NBPF10: variants seen among roughly 807,000 people sequenced by gnomAD.
NBPF10 encodes NBPF family member NBPF10.
A neutral mutation model predicts 77.9 loss-of-function variants in NBPF10; 63 were observed. The ratio of observed to expected loss-of-function variants is 0.81; its 90% CI spans 0.66 to 1.00. NBPF10 has a LOEUF of 1.00. NBPF10 is among the 50% of genes least tolerant of loss of function. The probability of loss-of-function intolerance (pLI) is 0.00; values close to 1 mark genes in which losing one functional copy is unlikely to be tolerated. For synonymous variants in NBPF10, 146 were observed against 264.5 expected (o/e 0.55, Z 4.35); for missense variants, 522 against 679.8 (o/e 0.77, Z 2.58).
At chr1:146,127,886 G>A (rs1236885766) in intron 12 of NBPF10, among the ~76,000 whole-genome samples, 5 of 136,178 alleles carry the variant, frequency 3.7e-5, no homozygotes, top group African/African-American at 1.4e-4. Flanking sequence ...GTGACAGTCA[G>A]TCCAGGTTGG....
In NBPF10 at chr1:146,067,961, A is replaced by G. The variant is rs782605409; in HGVS notation, c.11035+42T>C. 53 of 607,066 alleles carry G rather than the reference A, an allele frequency of 8.7e-5. No homozygotes were observed. In the Admixed American group the frequency reaches 9.9e-4, roughly 11 times the overall value. The allele number at this position is 607,066 out of a possible 1,614,324, so 37.6% of individuals were successfully genotyped here. On this transcript the variant is annotated intron_variant, in intron 88 of 89. Transcript: ENST00000583866. ...AATAGGAATATCACCCCTATCTGGAAGACCAGGTGGAGGCTTATCACCTTC... is the reference window on the plus strand; with the variant it reads ...AATAGGAATATCACCCCTATCTGGAGGACCAGGTGGAGGCTTATCACCTTC...
intron 7 of NBPF10, among the ~76,000 whole-genome samples, chr1:146,135,870 C>A (rs1383620166): frequency 1.1e-4 from 16 of 142,010 alleles, no homozygotes; most frequent in Non-Finnish European, 2.3e-4. Context: ...CATCTTGCGG[C>A]CACTAGATAC....
At chr1:146,138,785 GT>G (rs1306781472) in intron 5 of NBPF10, among the ~76,000 whole-genome samples, 2 of 135,102 alleles carry the variant, frequency 1.5e-5, no homozygotes, top group African/African-American at 5.1e-5. Context: ...TTCTTTTTTG[GT>G]TTTTTGTTTT....
At chr1:146,126,389 C>G (rs1277920966) in exon 14 of NBPF10, 4 of 1,309,004 alleles carry the variant, frequency 3.1e-6, no homozygotes, top group Admixed American at 3.4e-5. Context: ...CCTTTCTCAT[C>G]CAGCAGCTCC....
chr1:146,109,355 GA>G (rs1657359539), intron 35 of NBPF10, among the ~76,000 whole-genome samples: 1 of 61,190 alleles, frequency 1.6e-5, no homozygotes, highest in African/African-American at 4.2e-5. Flanking sequence ...CAGAGAGAGA[GA>G]GAGAGAACGA....
At chr1:146,123,527 G>GAA (rs1559337564) in intron 17 of NBPF10, among the ~76,000 whole-genome samples, 2 of 77,070 alleles carry the variant, frequency 2.6e-5, no homozygotes, top group African/African-American at 1.7e-4. Context: ...CACACACACA[G>GAA]AGAGAGAGAG....
In NBPF10 at chr1:146,126,317, G is replaced by T. The variant is rs782384592; in HGVS notation, c.1945C>A (p.Leu649Met). 3.5e-5 allele frequency: 48 copies of T among 1,384,630 alleles called. 1 individual carries two copies. Among genetic ancestry groups the T allele is most frequent in the Non-Finnish European group, 4.9e-5 (48 of 974,424 alleles). 85.8% of individuals were successfully genotyped at this position (1,384,630 alleles called of 1,614,324 possible). A position where few individuals can be genotyped will look rare whatever the true frequency, so the allele number is the denominator to read the frequency against. Residue 649 changes from leucine (L) to methionine (M), a missense_variant, in exon 14 of 90, where the codon CTG (leucine) becomes ATG (methionine). Around this residue, in one of 9 missense-constraint regions of NBPF10, gnomAD observed 178 missense variants for 77.7 expected, o/e 2.29. Transcript: ENST00000583866. ...CTGTAGGGCTGGCATGAGTCAGTCA[G>T]TTCAAGACAACCTGAAGGAGTTGAA...
At chr1:146,126,720 G>T (rs1553790217) in intron 13 of NBPF10, among the ~76,000 whole-genome samples, 1 of 146,252 alleles carries the variant, frequency 6.8e-6, no homozygotes, top group Admixed American at 6.9e-5. Flanking sequence ...GACACACAGT[G>T]AACAGTGATC....
intron 15 of NBPF10, among the ~76,000 whole-genome samples, 191 bp from the exon 16 acceptor site, chr1:146,125,051 A>T (rs1258668883): frequency 5.6e-5 from 4 of 70,966 alleles, no homozygotes; most frequent in Non-Finnish European, 1.1e-4. Flanking sequence ...AGAGAAAGAC[A>T]GGGAGAGGGA....
At position 146,067,249 on chromosome 1, in the gene NBPF10, CTTCCCCTTCTTTTT is replaced by C. The variant is rs782111292; in HGVS notation, c.11061_11074del (p.Arg3689IlefsTer34). The C allele has an allele frequency of 3.5e-6, 2 of 572,696 alleles. No homozygotes were observed. Among genetic ancestry groups the C allele is most frequent in the East Asian group, 3.1e-5 (1 of 32,214 alleles). 35.5% of individuals were successfully genotyped at this position (572,696 alleles called of 1,614,324 possible). A position where few individuals can be genotyped will look rare whatever the true frequency, so the allele number is the denominator to read the frequency against. On this transcript the variant is annotated frameshift_variant, in exon 89 of 90. Transcript: ENST00000583866. LOFTEE classifies it high-confidence loss of function. ...CCTTCTTCTTTCCTTCTTTGATCTTCTTCCCCTTCTTTTTTTCCCCTTCCCCTTCTTTTCAATTT... is the reference window on the plus strand; with the variant it reads ...CCTTCTTCTTTCCTTCTTTGATCTTCTTCCCCTTCCCCTTCTTTTCAATTT...
In NBPF10 at chr1:146,067,095, G is replaced by A. The variant is rs1340967218; in HGVS notation, c.11144+85C>T. The A allele has an allele frequency of 6.0e-5, 37 of 620,448 alleles. 7 individuals are homozygous for A. In the Admixed American group the frequency reaches 6.4e-4, roughly 11 times the overall value. 38.4% of individuals were successfully genotyped at this position (620,448 alleles called of 1,614,324 possible). Reference sequence around the variant, plus strand: ...GTAATTCAGCCTTCGTTGAAAACATGTCATCAAACACACTCTGGTTTCCCT... The same window carrying A: ...GTAATTCAGCCTTCGTTGAAAACATATCATCAAACACACTCTGGTTTCCCT... On this transcript the variant is annotated intron_variant, in intron 89 of 89. Coordinates refer to ENST00000583866, the Ensembl canonical transcript of NBPF10.
chr1:146,123,525 CAG>C (rs1186150213), intron 17 of NBPF10, among the ~76,000 whole-genome samples: 1,374 of 71,436 alleles, frequency 0.019, 22 homozygotes, highest in African/African-American at 0.059. Context: ...CACACACACA[CAG>C]AGAGAGAGAG....
chr1:146,134,228 C>G (rs782162366), exon 9 of NBPF10: 1 of 1,591,522 alleles, frequency 6.3e-7, no homozygotes, highest in East Asian at 2.2e-5. Flanking sequence ...TCTCAGCCAC[C>G]TCAACTTGAA....
exon 14 of NBPF10, chr1:146,126,387 A>T (rs1553789974): frequency 2.3e-6 from 3 of 1,324,250 alleles, no homozygotes; most frequent in Non-Finnish European, 3.3e-6. Flanking sequence ...GCCCTTTCTC[A>T]TCCAGCAGCT....
chr1:146,067,579 A>T (rs367836134), intron 88 of NBPF10, among the ~76,000 whole-genome samples: 2 of 150,436 alleles, frequency 1.3e-5, no homozygotes, highest in Non-Finnish European at 3.0e-5. Flanking sequence ...CGTAAAGCAA[A>T]TACCCTCAAT....
chr1:146,066,727 G>A (rs587612676), intron 89 of NBPF10, among the ~76,000 whole-genome samples, 166 bp from the exon 90 acceptor site: 1 of 149,920 alleles, frequency 6.7e-6, no homozygotes, highest in Non-Finnish European at 1.5e-5. Context: ...GATAGAACAG[G>A]GCCAGGTAGA....
rs1660440029 is a variant in NBPF10, at chr1:146,142,817, C to G, written c.176-65G>C. 4 of 910,664 alleles carry G rather than the reference C, an allele frequency of 4.4e-6. 1 individual carries two copies. The highest frequency in any genetic ancestry group is 6.8e-6 in the Non-Finnish European group (4 of 589,924). 56.4% of individuals were successfully genotyped at this position (910,664 alleles called of 1,614,324 possible). On this transcript the variant is annotated intron_variant, in intron 1 of 89. Transcript: ENST00000583866. Reference sequence around the variant, plus strand: ...GACATGCTGCTGTGGTCACTGCCTACAGGGCAGGAGCCAGGTCCATCCCAA... The same window carrying G: ...GACATGCTGCTGTGGTCACTGCCTAGAGGGCAGGAGCCAGGTCCATCCCAA...
exon 14 of NBPF10, chr1:146,126,241 A>T (rs782289264): frequency 6.2e-7 from 1 of 1,606,008 alleles, no homozygotes; most frequent in Admixed American, 1.7e-5. Context: ...CTCACCATCC[A>T]TGTCAATAGC....
In NBPF10 at chr1:146,126,423, A is replaced by C; in HGVS notation, c.1854-15T>G. 1 of 1,088,762 alleles carries C rather than the reference A, an allele frequency of 9.2e-7. No individual in the cohort carries two copies. Among genetic ancestry groups the C allele is most frequent in the Non-Finnish European group, 1.4e-6 (1 of 708,328 alleles). 67.4% of individuals were successfully genotyped at this position (1,088,762 alleles called of 1,614,324 possible). On this transcript the variant is annotated splice_polypyrimidine_tract_variant and intron_variant, in intron 13 of 89. Transcript: ENST00000583866. ...CCCTGCTGAGCGTGGAAAAGTAGGA[A>C]AAAGTAAAGAATAAGCCAGGGGGAA...
Sources: gnomAD v4.1 joint callset for allele counts (sites outside exome capture counted in the v4.1 genomes callset) on GRCh38, gnomAD v4.1.1 for gene constraint, gnomAD v4.1.1 regional missense constraint, MANE v1.5 for transcripts, NCBI Gene and HGNC (gene_info 2026-07-23, HGNC 2026-07-21) for gene names.